Variants in CLTC observed in about 807,000 individuals in gnomAD.
CLTC encodes the protein clathrin heavy chain 1.
In CLTC, 16 loss-of-function variants were observed where a neutral mutation model predicts 195.8. The ratio of observed to expected loss-of-function variants is 0.08; its 90% CI spans 0.06 to 0.12. The LOEUF (loss-of-function observed/expected upper bound fraction) is 0.12, where lower values mean the gene tolerates loss of function less well. CLTC is among the 10% of genes least tolerant of loss of function. The pLI, the probability that CLTC is intolerant of heterozygous loss-of-function variation, is 1.00. For synonymous variants in CLTC, 667 were observed against 689.4 expected (o/e 0.97, Z 0.51); for missense variants, 796 against 2,027.0 (o/e 0.39, Z 11.66).
chr17:59,667,190 T>G (rs2032751335), intron 13 of CLTC: 3 of 349,290 alleles, frequency 8.6e-6, no homozygotes, highest in Admixed American at 4.4e-5. Context: ...GGATATTTTA[T>G]AGATGAATTA....
At chr17:59,630,533 TCCCCAAAAGGAGA>T (rs1158477555) in intron 1 of CLTC, among the ~76,000 whole-genome samples, 1 of 152,058 alleles carries the variant, frequency 6.6e-6, no homozygotes, top group Non-Finnish European at 1.5e-5. Context: ...CATTTTCATC[TCCCCAAAAGGAGA>T]CCCCATACAC....
Position 59,648,211 on chromosome 17 carries a change from C to T in CLTC, c.520-29C>T, listed in dbSNP as rs368317502. On this transcript the variant is annotated intron_variant, in intron 3 of 31. Transcript: ENST00000269122. This position sits in a 1 kb window ranked among gnomAD's most constrained non-coding sequence, Gnocchi z 4.5. ...TGAGAGTTTTTGATTTATGGGTCTT[C>T]AAACGTTATTCTCTTTGATCCTTTA... 1 of 1,576,546 alleles carries T rather than the reference C, an allele frequency of 6.3e-7. No homozygotes were observed. Among genetic ancestry groups the T allele is most frequent in the Non-Finnish European group, 8.6e-7 (1 of 1,159,850 alleles).
At chr17:59,661,767 C>A in intron 8 of CLTC, 124 bp downstream of exon 8, 1 of 797,644 alleles carries the variant, frequency 1.3e-6, no homozygotes. Flanking sequence ...AACAAAAACA[C>A]ACATTGCATA....
chr17:59,687,620 C>G (rs1001011901), intron 30 of CLTC, among the ~76,000 whole-genome samples: 1 of 151,908 alleles, frequency 6.6e-6, no homozygotes. Flanking sequence ...CTCCAGGTGT[C>G]CAGTTCTTAT....
chr17:59,638,149 G>A (rs997236738), intron 1 of CLTC, among the ~76,000 whole-genome samples: 1 of 152,102 alleles, frequency 6.6e-6, no homozygotes, highest in Non-Finnish European at 1.5e-5. Flanking sequence ...AGCTAACCTT[G>A]AGCTGGCTTA....
chr17:59,666,090 T>C lies in CLTC; in HGVS notation c.1645-13T>C. 1 of 1,583,880 alleles carries C rather than the reference T, an allele frequency of 6.3e-7. No homozygotes were observed. Among genetic ancestry groups the C allele is most frequent in the Non-Finnish European group, 8.7e-7 (1 of 1,155,654 alleles). On this transcript the variant is annotated splice_polypyrimidine_tract_variant and intron_variant, in intron 10 of 31. Coordinates refer to ENST00000269122, the MANE Select transcript of CLTC (RefSeq NM_004859.4). This position sits in a 1 kb window ranked among gnomAD's most constrained non-coding sequence, Gnocchi z 4.9. ...GTATCTTAAAACAATTTCTTTTAAA[T>C]CTTTTTTTGTAGATTGTAGATGTCT...
At chr17:59,653,430 T>C (rs939109245) in intron 5 of CLTC, among the ~76,000 whole-genome samples, 48 of 151,950 alleles carry the variant, frequency 3.2e-4, no homozygotes, top group Non-Finnish European at 6.0e-4. Flanking sequence ...CCTGACCTCG[T>C]GATCCACCCA....
intron 16 of CLTC, among the ~76,000 whole-genome samples, chr17:59,675,047 G>A (rs2032934584): frequency 1.3e-5 from 2 of 152,164 alleles, no homozygotes. Context: ...TAGGAGATCT[G>A]TTAACTTGGT....
At chr17:59,691,273 A>G (rs2033291176) in intron 31 of CLTC, among the ~76,000 whole-genome samples, 1 of 152,228 alleles carries the variant, frequency 6.6e-6, no homozygotes, top group Non-Finnish European at 1.5e-5. Context: ...ATTCATTTGA[A>G]CAATCACTTT....
In CLTC at chr17:59,668,835, T is replaced by C. The variant is rs754867447; in HGVS notation, c.2187T>C (p.Phe729=). The C allele has an allele frequency of 6.8e-6, 11 of 1,613,658 alleles. No individual in the cohort carries two copies. The highest frequency in any genetic ancestry group is 1.7e-5 in the Admixed American group (1 of 59,932). The change falls in exon 14 of 32, where the codon TTT becomes TTC. Residue 729 remains phenylalanine (F), a synonymous_variant. Coordinates refer to ENST00000269122, the MANE Select transcript of CLTC (RefSeq NM_004859.4). ...VNFSQDPDVH[F]KYIQAACKTG... ...TTAGCCAGGACCCAGATGTGCACTT[T>C]AAATATATTCAGGCAGCTTGCAAGA...
intron 30 of CLTC, chr17:59,689,785 CTG>C (rs2033258555): frequency 6.6e-6 from 1 of 152,122 alleles, no homozygotes; most frequent in African/African-American, 2.4e-5. Context: ...CTAGAAGAAA[CTG>C]CAGATCATTT....
chr17:59,683,543 ACTTT>A lies in CLTC; in HGVS notation c.4191+11_4191+14del. On this transcript the variant is annotated splice_region_variant and intron_variant, in intron 26 of 31. Transcript: ENST00000269122. This position sits in a 1 kb window ranked among gnomAD's most constrained non-coding sequence, Gnocchi z 6.1. The stretch of plus-strand genomic sequence containing the variant: ...CAAAGATATCATTACCAAGGTGTGT[ACTTT>A]CTTCAGAAGATAAAGGATTCAGAAG... 1 of 1,613,568 alleles carries A rather than the reference ACTTT, an allele frequency of 6.2e-7. No homozygotes were observed. Among genetic ancestry groups the A allele is most frequent in the Non-Finnish European group, 8.5e-7 (1 of 1,179,762 alleles).
chr17:59,652,828 A>G (rs8069123), intron 5 of CLTC, among the ~76,000 whole-genome samples: 91,508 of 152,088 alleles, frequency 0.6, 30,333 homozygotes, highest in Non-Finnish European at 0.75. Context: ...TTAGTTCCTA[A>G]TAAGAGAGTC....
At chr17:59,665,226 GA>G (rs58116801) in intron 10 of CLTC, among the ~76,000 whole-genome samples, 113,469 of 145,220 alleles carry the variant, frequency 0.78, 44,524 homozygotes, top group East Asian at 0.93. Context: ...CTCTCAAAAA[GA>G]AAAAAAAAAA....
intron 2 of CLTC, 103 bp from the exon 3 acceptor site, chr17:59,647,295 T>C (rs968865310): frequency 3.5e-6 from 3 of 867,170 alleles, no homozygotes; most frequent in Non-Finnish European, 3.5e-6. Context: ...ACTCGTCTCG[T>C]AATAGAACTA....
chr17:59,693,699 C>G, intron 31 of CLTC, 29 bp from the exon 32 acceptor site: 3 of 1,601,892 alleles, frequency 1.9e-6, no homozygotes, highest in African/African-American at 1.3e-5. Context: ...CCCCTGCCCC[C>G]TGCTCCTTTT....
At chr17:59,625,298 G>A (rs1418566273) in intron 1 of CLTC, among the ~76,000 whole-genome samples, 8 of 150,608 alleles carry the variant, frequency 5.3e-5, no homozygotes, top group Non-Finnish European at 1.2e-4. Context: ...TTTATTTTTT[G>A]GTATTTTTAG....
chr17:59,680,434 G>C (rs1050572102), intron 18 of CLTC, among the ~76,000 whole-genome samples: 3 of 152,160 alleles, frequency 2.0e-5, no homozygotes, highest in Admixed American at 1.3e-4. Flanking sequence ...AAACGAATAG[G>C]TTGAAGGCTA....
In CLTC at chr17:59,681,249, A is replaced by G. The variant is rs1419201698; in HGVS notation, c.3066-46A>G. 1 of 1,558,834 alleles carries G rather than the reference A, an allele frequency of 6.4e-7. No homozygotes were observed. ...TCACAGTGGTTATTTTTTATGTCGG[A>G]TAAACTTAAAATATTGCATTTAAAA... On this transcript the variant is annotated intron_variant, in intron 19 of 31. Transcript: ENST00000269122. This position sits in a 1 kb window ranked among gnomAD's most constrained non-coding sequence, Gnocchi z 5.0.
Sources: gnomAD v4.1 joint callset for allele counts (sites outside exome capture counted in the v4.1 genomes callset) on GRCh38, gnomAD v4.1.1 for gene constraint, Gnocchi (gnomAD v3.1) non-coding constraint, MANE v1.5 for transcripts, NCBI Gene and HGNC (gene_info 2026-07-23, HGNC 2026-07-21) for gene names.